Variants in MITF observed in about 807,000 individuals in gnomAD.
MITF encodes the protein melanocyte inducing transcription factor.
MITF carries 17 observed loss-of-function variants against 60.5 expected under a neutral mutation model. The ratio of observed to expected loss-of-function variants is 0.28; its 90% CI spans 0.19 to 0.42. The LOEUF (loss-of-function observed/expected upper bound fraction) is 0.42. Ranked by LOEUF, MITF falls within the 10% of genes least tolerant of loss-of-function variation. MITF has a pLI of 1.00. For missense variants in MITF, 622 were observed against 683.5 expected (o/e 0.91, Z 1.00); for synonymous variants, 260 against 248.5 (o/e 1.05, Z -0.43).
intron 1 of MITF, among the ~76,000 whole-genome samples, chr3:69,778,414 A>G (rs551938219): frequency 5.9e-5 from 9 of 152,322 alleles, no homozygotes; most frequent in South Asian, 4.1e-4. Context: ...TAAATTGCCA[A>G]TTAACAGTTG....
At chr3:69,772,594 ATTGCTTTGACAAGTCTTT>A (rs2062410229) in intron 1 of MITF, among the ~76,000 whole-genome samples, 1 of 152,160 alleles carries the variant, frequency 6.6e-6, no homozygotes, top group African/African-American at 2.4e-5. Flanking sequence ...CTTAAAAGGG[ATTGCTTTGACAAGTCTTT>A]ATGTCACTTC....
Position 69,959,416 on chromosome 3 carries a change from T to C in MITF, c.1175T>C (p.Ile392Thr). ...EHANRHLLLR[I>T]QELEMQARAH... Reference sequence around the variant, plus strand: ...GCCAACCGGCATTTGTTGCTCAGAATACAGGTACGCAGCCTGAGTTGTGTA... The same window carrying C: ...GCCAACCGGCATTTGTTGCTCAGAACACAGGTACGCAGCCTGAGTTGTGTA... The change falls in exon 9 of 10, where the codon ATA (isoleucine) becomes ACA (threonine). Residue 392 changes from isoleucine (I) to threonine (T), a missense_variant. Around this residue, in one of 5 missense-constraint regions of MITF, gnomAD observed 224 missense variants for 209.5 expected, o/e 1.07. Transcript: ENST00000352241. 6.2e-7 allele frequency: 1 copy of C among 1,613,918 alleles called. No homozygotes were observed.
intron 1 of MITF, among the ~76,000 whole-genome samples, chr3:69,815,829 G>GTGT (rs1437376686): frequency 6.6e-6 from 1 of 152,156 alleles, no homozygotes; most frequent in Non-Finnish European, 1.5e-5. Context: ...TTTGTAAGGA[G>GTGT]TGTTGAATTT....
intron 1 of MITF, among the ~76,000 whole-genome samples, chr3:69,857,621 A>G (rs1233608669): frequency 2.0e-5 from 3 of 152,134 alleles, no homozygotes; most frequent in African/African-American, 7.2e-5. Flanking sequence ...ATGTTTGTTA[A>G]TGGGAATATC....
chr3:69,930,505 T>C (rs975826474), intron 2 of MITF, among the ~76,000 whole-genome samples: 2 of 152,218 alleles, frequency 1.3e-5, no homozygotes, highest in African/African-American at 4.8e-5. Context: ...GCCTGGCTCA[T>C]CTCACCAACT....
At chr3:69,855,126 A>G (rs1216648047) in intron 1 of MITF, among the ~76,000 whole-genome samples, 1 of 151,436 alleles carries the variant, frequency 6.6e-6, no homozygotes, top group Non-Finnish European at 1.5e-5. Flanking sequence ...TTCTGCTCTC[A>G]TGGTCTACAT....
At chr3:69,891,907 A>G (rs1300707222) in intron 2 of MITF, among the ~76,000 whole-genome samples, 1 of 152,238 alleles carries the variant, frequency 6.6e-6, no homozygotes, top group African/African-American at 2.4e-5. Context: ...TGAAAAGTTT[A>G]TAAAAATAGG....
chr3:69,765,478 A>C (rs568447754), intron 1 of MITF, among the ~76,000 whole-genome samples: 1 of 152,292 alleles, frequency 6.6e-6, no homozygotes, highest in Admixed American at 6.5e-5. Flanking sequence ...TTCTGTGAAA[A>C]ATTTTTTTTT....
At chr3:69,774,097 G>A (rs2062436290) in intron 1 of MITF, among the ~76,000 whole-genome samples, 1 of 152,182 alleles carries the variant, frequency 6.6e-6, no homozygotes, top group South Asian at 2.1e-4. Context: ...GGGAGCACAG[G>A]CAGACTAATA....
intron 1 of MITF, among the ~76,000 whole-genome samples, chr3:69,840,287 A>G (rs942760923): frequency 2.0e-5 from 3 of 152,172 alleles, no homozygotes; most frequent in Non-Finnish European, 4.4e-5. Context: ...GGGCACAATA[A>G]GGTGAACCAC....
chr3:69,903,386 T>C (rs1313546905), intron 2 of MITF, among the ~76,000 whole-genome samples: 5 of 152,186 alleles, frequency 3.3e-5, no homozygotes, highest in African/African-American at 1.2e-4. Flanking sequence ...GTTGGCCTAT[T>C]GGTTGTCCTC....
chr3:69,793,831 C>T (rs976601395), intron 1 of MITF, among the ~76,000 whole-genome samples: 1 of 152,158 alleles, frequency 6.6e-6, no homozygotes, highest in African/African-American at 2.4e-5. Flanking sequence ...CAGTTTATGC[C>T]ATTTTGGTAT....
intron 1 of MITF, among the ~76,000 whole-genome samples, chr3:69,795,609 C>G (rs570619845): frequency 2.0e-3 from 304 of 151,890 alleles, no homozygotes; most frequent in Non-Finnish European, 3.6e-3. Context: ...ACCTGTGGTC[C>G]CAGCTACTTG....
chr3:69,754,740 T>C (rs1298564382), intron 1 of MITF, among the ~76,000 whole-genome samples: 3 of 151,688 alleles, frequency 2.0e-5, no homozygotes, highest in Non-Finnish European at 4.4e-5. Flanking sequence ...ATGATCTAAG[T>C]GATAGGGTAA....
chr3:69,945,788 C>T (rs1242557355), intron 5 of MITF, among the ~76,000 whole-genome samples: 4 of 152,152 alleles, frequency 2.6e-5, no homozygotes, highest in Non-Finnish European at 5.9e-5. Context: ...AGCAGCAAAT[C>T]CCCTGCAGGT....
intron 1 of MITF, among the ~76,000 whole-genome samples, chr3:69,871,822 C>T (rs2064244082): frequency 6.6e-6 from 1 of 152,154 alleles, no homozygotes; most frequent in African/African-American, 2.4e-5. Flanking sequence ...CAGTTCCTTT[C>T]ACACTCATGT....
At chr3:69,823,243 A>G (rs1353745948) in intron 1 of MITF, among the ~76,000 whole-genome samples, 1 of 152,196 alleles carries the variant, frequency 6.6e-6, no homozygotes, top group Non-Finnish European at 1.5e-5. Flanking sequence ...TGTATGCAGC[A>G]TATAGTTGGA....
At chr3:69,912,112 T>G (rs187057506) in intron 2 of MITF, among the ~76,000 whole-genome samples, 36 of 152,300 alleles carry the variant, frequency 2.4e-4, no homozygotes, top group Non-Finnish European at 4.4e-5. Flanking sequence ...AGAAACTAAA[T>G]ATTGAGTGAT....
At chr3:69,784,935 T>G (rs2062623722) in intron 1 of MITF, among the ~76,000 whole-genome samples, 1 of 152,194 alleles carries the variant, frequency 6.6e-6, no homozygotes, top group Admixed American at 6.5e-5. Flanking sequence ...GGGTCCTGTG[T>G]CCCATTCTGG....
Sources: gnomAD v4.1 joint callset for allele counts (sites outside exome capture counted in the v4.1 genomes callset) on GRCh38, gnomAD v4.1.1 for gene constraint, gnomAD v4.1.1 regional missense constraint, MANE v1.5 for transcripts, NCBI Gene and HGNC (gene_info 2026-07-23, HGNC 2026-07-21) for gene names.